The following POSTN variants were observed in gnomAD, a reference collection of about 807,000 sequenced individuals.
The protein encoded by POSTN is osteoblast specific factor 2 (fasciclin I-like).
In POSTN, 71 loss-of-function variants were observed where a neutral mutation model predicts 104.5. The ratio of observed to expected loss-of-function variants is 0.68; its 90% CI spans 0.56 to 0.83. The LOEUF (loss-of-function observed/expected upper bound fraction) is 0.83. Among genes scored for constraint, POSTN ranks in the 40% least tolerant of loss-of-function variants. POSTN has a pLI of 0.00. For missense variants in POSTN, 949 were observed against 1,006.8 expected, an observed-to-expected ratio of 0.94 and a Z score of 0.78; for synonymous variants, 355 against 340.7, an observed-to-expected ratio of 1.04 and a Z score of -0.46.
chr13:37,568,144 TG>T (rs1389882766), intron 21 of POSTN, among the ~76,000 whole-genome samples: 5 of 152,150 alleles, frequency 3.3e-5, no homozygotes, highest in Non-Finnish European at 5.9e-5. Flanking sequence ...CAGGAATCTT[TG>T]GTTCCGTTAT....
intron 16 of POSTN, among the ~76,000 whole-genome samples, chr13:37,576,857 A>G (rs1370291866): frequency 4.6e-5 from 7 of 151,884 alleles, no homozygotes; most frequent in African/African-American, 1.5e-4. Flanking sequence ...TGCTCCTTAC[A>G]TTGGCTTTAC....
intron 11 of POSTN, 49 bp downstream of exon 11, chr13:37,580,512 A>G (rs1256391369): frequency 1.2e-6 from 2 of 1,607,920 alleles, no homozygotes; most frequent in Admixed American, 1.7e-5. Flanking sequence ...TGAAACAAAA[A>G]TATGCCAATA....
At chr13:37,591,696 T>G (rs1950938584) in intron 3 of POSTN, among the ~76,000 whole-genome samples, 1 of 152,064 alleles carries the variant, frequency 6.6e-6, no homozygotes, top group Non-Finnish European at 1.5e-5. Flanking sequence ...TTTTTTTTTC[T>G]CTAGTTGGCA....
rs150193371 is a variant in POSTN at position 37,563,155 on chromosome 13, A to G, written c.*178T>C. Reference sequence around the variant, plus strand: ...TTTACCACAGGAGGCTAACTCCACAATTTCCCTCATGTTTCTCATTCAGAA... The same window carrying G: ...TTTACCACAGGAGGCTAACTCCACAGTTTCCCTCATGTTTCTCATTCAGAA... On this transcript the variant is annotated 3_prime_UTR_variant, in exon 23 of 23. Transcript: ENST00000379747. 3,910 of 375,170 alleles carry G rather than the reference A, an allele frequency of 0.01. 23 individuals are homozygous for G. The highest frequency in any genetic ancestry group is 0.025 in the South Asian group (288 of 11,430). 23.2% of individuals were successfully genotyped at this position (375,170 alleles called of 1,614,324 possible).
intron 1 of POSTN, among the ~76,000 whole-genome samples, chr13:37,597,874 G>T (rs1050752451): frequency 6.6e-6 from 1 of 152,132 alleles, no homozygotes; most frequent in Non-Finnish European, 1.5e-5. Flanking sequence ...ACAATTTTAA[G>T]GTTCCCCTTC....
intron 16 of POSTN, 29 bp from the exon 17 acceptor site, chr13:37,574,681 A>G (rs2138215779): frequency 6.4e-7 from 1 of 1,559,374 alleles, no homozygotes; most frequent in Non-Finnish European, 8.6e-7. Context: ...GAACATGAAA[A>G]ATATTTACAT....
chr13:37,598,755 C>T lies in POSTN; in HGVS notation c.-29G>A, dbSNP rs769755945. The stretch of plus-strand genomic sequence containing the variant: ...GAGTCTCTCCGTTGCAGTTAGTCCC[C>T]GAAGAGAACTGGCAGTGGGCTTTGG... On this transcript the variant is annotated 5_prime_UTR_variant, in exon 1 of 23. Transcript: ENST00000379747. 2.3e-5 allele frequency: 37 copies of T among 1,608,792 alleles called. No homozygotes were observed. The East Asian group carries it at 2.9e-4, about 13-fold the overall frequency.
intron 9 of POSTN, among the ~76,000 whole-genome samples, chr13:37,582,908 G>T (rs558332284): frequency 1.3e-5 from 2 of 152,236 alleles, no homozygotes; most frequent in South Asian, 4.1e-4. Flanking sequence ...TTGATTACTG[G>T]AAAGAGAATC....
intron 9 of POSTN, 111 bp downstream of exon 9, chr13:37,583,858 G>A: frequency 1.5e-6 from 2 of 1,330,584 alleles, no homozygotes; most frequent in Non-Finnish European, 2.0e-6. Context: ...AGCCAATGCA[G>A]AAACTAATCA....
At chr13:37,571,628 A>C in intron 17 of POSTN, 170 bp from the exon 18 acceptor site, 1 of 517,514 alleles carries the variant, frequency 1.9e-6, no homozygotes, top group Non-Finnish European at 3.4e-6. Context: ...ATTAGACAAG[A>C]GTTATGAGAA....
At position 37,592,111 on chromosome 13, in the gene POSTN, C is replaced by G. The variant is rs1280419869; in HGVS notation, c.272G>C (p.Gly91Ala). 13 of 1,606,072 alleles carry G rather than the reference C, an allele frequency of 8.1e-6. No individual in the cohort carries two copies. The highest frequency in any genetic ancestry group is 2.2e-5 in the East Asian group (1 of 44,810). ...AATTGAGATTTTACCTGCTGGGCAGCCTTTCATTCCTTCCATTCTCATATA... is the reference window on the plus strand; with the variant it reads ...AATTGAGATTTTACCTGCTGGGCAGGCTTTCATTCCTTCCATTCTCATATA... ...PGYMRMEGMKGCPAVLPIDHV... is the reference protein window; with the variant it reads ...PGYMRMEGMKACPAVLPIDHV... Residue 91 changes from glycine to alanine, a missense_variant, in exon 3 of 23, where the codon GGC becomes GCC. By Grantham distance (60) the Gly-to-Ala change is moderately conservative. Coordinates refer to ENST00000379747, the MANE Select transcript of POSTN (RefSeq NM_006475.3).
At position 37,569,875 on chromosome 13, in the gene POSTN, G is replaced by C. The variant is rs539291074; in HGVS notation, c.2270-54C>G. 179 of 1,200,564 alleles carry C rather than the reference G, an allele frequency of 1.5e-4. No individual in the cohort carries two copies. The African/African-American group carries it at 2.2e-3, about 15-fold the overall frequency. The allele number at this position is 1,200,564 out of a possible 1,614,324, so 74.4% of individuals were successfully genotyped here. On this transcript the variant is annotated intron_variant, in intron 19 of 22. Transcript: ENST00000379747. ...AAACAGAAGTAGGCAAACTTCTTCT[G>C]CGAAGTGACAGAGAGTAAGTATTTT...
chr13:37,579,918 C>A lies in POSTN; in HGVS notation c.1603G>T (p.Val535Leu). The change falls in exon 12 of 23, where the codon GTG becomes TTG. Residue 535 changes from valine (V) to leucine (L), a missense_variant. Physicochemically the swap from Val to Leu is conservative, Grantham distance 32. Coordinates refer to ENST00000379747, the MANE Select transcript of POSTN (RefSeq NM_006475.3). ...CCCTTAAAAGCATCATTGGTTGGCA[C>A]AAATAATGTCCAGTCTCCAGGTTGT... is the stretch of plus-strand genomic sequence containing the variant. ...LTQPGDWTLFVPTNDAFKGMT... is the reference protein window; with the variant it reads ...LTQPGDWTLFLPTNDAFKGMT... 6.2e-7 allele frequency: 1 copy of A among 1,613,792 alleles called. No individual in the cohort carries two copies. Among genetic ancestry groups the A allele is most frequent in the Non-Finnish European group, 8.5e-7 (1 of 1,179,710 alleles).
At chr13:37,574,238 A>C (rs569063205) in intron 17 of POSTN, among the ~76,000 whole-genome samples, 93 of 151,756 alleles carry the variant, frequency 6.1e-4, no homozygotes, top group African/African-American at 2.1e-3. Context: ...AAGCAACATA[A>C]AGAGTATACA....
rs760711875 is a variant in POSTN, at chr13:37,578,850, T to A, written c.1956A>T (p.Gln652His). ...ATCAAGTAACTTTTAGTACCTTAATTTGGATGTATTTGATTAATTTATTAA... is the reference window on the plus strand; with the variant it reads ...ATCAAGTAACTTTTAGTACCTTAATATGGATGTATTTGATTAATTTATTAA... ...EILNKLIKYI[Q>H]IKFVRGSTFK... The change falls in exon 15 of 23, where the codon CAA (glutamine) becomes CAT (histidine). Residue 652 changes from glutamine to histidine, a missense_variant. Physicochemically the swap from Gln to His is conservative, Grantham distance 24. Transcript: ENST00000379747. The A allele has an allele frequency of 1.9e-6, 3 of 1,576,030 alleles. No individual in the cohort carries two copies. The highest frequency in any genetic ancestry group is 1.2e-5 in the South Asian group (1 of 83,482).
intron 16 of POSTN, 81 bp downstream of exon 16, chr13:37,577,672 T>A: frequency 6.5e-7 from 1 of 1,527,430 alleles, no homozygotes; most frequent in Non-Finnish European, 8.8e-7. Flanking sequence ...TTATCAATAA[T>A]CTCTGTAAAT....
chr13:37,579,669 C>A (rs559717236), intron 12 of POSTN, among the ~76,000 whole-genome samples, 192 bp downstream of exon 12: 2 of 152,150 alleles, frequency 1.3e-5, no homozygotes, highest in Non-Finnish European at 2.9e-5. Flanking sequence ...AACAACATAA[C>A]AGTTCACAGT....
In POSTN at chr13:37,586,184, G is replaced by A. The variant is rs1566028474; in HGVS notation, c.850C>T (p.Arg284Ter). The A allele has an allele frequency of 4.3e-6, 7 of 1,613,716 alleles. No individual in the cohort carries two copies. Among genetic ancestry groups the A allele is most frequent in the Non-Finnish European group, 4.2e-6 (5 of 1,179,728 alleles). Residue 284 changes from arginine (R) to a stop codon, truncating the protein, a stop_gained, in exon 7 of 23, where the codon CGA (arginine) becomes TGA (stop). Transcript: ENST00000379747. LOFTEE classifies it high-confidence loss of function. ...PTNEAFEKLP[R>*]GVLERIMGDK... ...CCCATGATCCTTTCTAGGACACCTC[G>A]TGGAAGTTTCTCAAAAGCCTCATTG...
At chr13:37,595,833 CAG>C (rs1297053943) in intron 2 of POSTN, among the ~76,000 whole-genome samples, 34 of 139,158 alleles carry the variant, frequency 2.4e-4, no homozygotes, top group African/African-American at 7.5e-4. Flanking sequence ...TTTTTTGAGA[CAG>C]AGTCTCACTC....
Sources: allele counts gnomAD v4.1 joint callset (sites outside exome capture counted in the v4.1 genomes callset), GRCh38; gene constraint gnomAD v4.1.1; transcripts MANE v1.5; gene names NCBI Gene and HGNC (gene_info 2026-07-23, HGNC 2026-07-21).